SPARC: variants seen among roughly 807,000 people sequenced by gnomAD.
SPARC encodes secreted protein acidic and cysteine rich.
A neutral mutation model predicts 37.7 loss-of-function variants in SPARC; 23 were observed. The observed-to-expected ratio is 0.61, with a 90% confidence interval of 0.44 to 0.87. SPARC has a LOEUF of 0.87. Among genes scored for constraint, SPARC ranks in the 40% least tolerant of loss-of-function variants. The pLI is 0.00. For synonymous variants in SPARC, 155 were observed against 150.8 expected (o/e 1.03, Z -0.20); for missense variants, 312 against 389.0 (o/e 0.80, Z 1.66).
At chr5:151,673,267 C>T in intron 3 of SPARC, 51 bp from the exon 4 acceptor site, 1 of 1,269,970 alleles carries the variant, frequency 7.9e-7, no homozygotes, top group Non-Finnish European at 1.2e-6. Context: ...CCATCCCAGA[C>T]CCATAAGGGT....
Position 151,662,675 on chromosome 5 carries a change from A to G in SPARC, c.*896T>C, listed in dbSNP as rs1760536103. 1 of 152,572 alleles carries G rather than the reference A, an allele frequency of 6.6e-6. No individual in the cohort carries two copies. The highest frequency in any genetic ancestry group is 1.9e-4 in the East Asian group (1 of 5,192). 9.5% of individuals were successfully genotyped at this position (152,572 alleles called of 1,614,324 possible). A position where few individuals can be genotyped will look rare whatever the true frequency, so the allele number is the denominator to read the frequency against. ...CTAAAAACCTTATGACAATCATCCA[A>G]ATGTGAGGAAAGAACAACCGATTCA... On this transcript the variant is annotated 3_prime_UTR_variant, in exon 10 of 10. Transcript: ENST00000231061.
chr5:151,670,734 T>G (rs1375691134), intron 5 of SPARC, among the ~76,000 whole-genome samples: 1 of 152,080 alleles, frequency 6.6e-6, no homozygotes, highest in Non-Finnish European at 1.5e-5. Flanking sequence ...GAACATCCTG[T>G]CCGTACTTAT....
At chr5:151,676,904 A>T (rs1194146767) in intron 1 of SPARC, 1 of 152,220 alleles carries the variant, frequency 6.6e-6, no homozygotes, top group Non-Finnish European at 1.5e-5. Context: ...AATGTAACCC[A>T]TGGAAACTTG....
chr5:151,666,562 C>A, intron 7 of SPARC, 53 bp from the exon 8 acceptor site: 1 of 1,560,256 alleles, frequency 6.4e-7, no homozygotes, highest in Non-Finnish European at 8.7e-7. Flanking sequence ...TTGTCTGGAC[C>A]AGTCGGGCCC....
rs1022172460 is a variant in SPARC, at chr5:151,674,791, T to A, written c.58-117A>T. Reference sequence around the variant, plus strand: ...AGCTTGGAGAGCAGCTTACTGGAGATCCCCAAAGTTGTGCCTCATGGACTG... The same window carrying A: ...AGCTTGGAGAGCAGCTTACTGGAGAACCCCAAAGTTGTGCCTCATGGACTG... On this transcript the variant is annotated intron_variant, in intron 2 of 9. Transcript: ENST00000231061. 9 of 942,822 alleles carry A rather than the reference T, an allele frequency of 9.5e-6. No individual in the cohort carries two copies. The East Asian group carries it at 2.2e-4, about 23-fold the overall frequency. The allele number at this position is 942,822 out of a possible 1,614,324, so 58.4% of individuals were successfully genotyped here. A position where few individuals can be genotyped will look rare whatever the true frequency, so the allele number is the denominator to read the frequency against.
chr5:151,675,294 A>G (rs534343190), intron 2 of SPARC, among the ~76,000 whole-genome samples: 2 of 152,294 alleles, frequency 1.3e-5, no homozygotes, highest in Admixed American at 1.3e-4. Flanking sequence ...GGATGAGGGG[A>G]TCACAGGTTG....
intron 1 of SPARC, among the ~76,000 whole-genome samples, chr5:151,684,604 GAAAA>G (rs746262776): frequency 1.8e-5 from 2 of 112,816 alleles, no homozygotes; most frequent in African/African-American, 3.4e-5. Context: ...GAGCTGCCAG[GAAAA>G]AAAAAAAAAA....
chr5:151,668,158 T>TTC lies in SPARC; in HGVS notation c.452-559_452-558insGA, dbSNP rs200673522. ...TCTTTTCTTTTTTCTTTTTTTCTTCTTTTTTTTTTTTTTAGACAGGGTCTC... is the reference window on the plus strand; with the variant it reads ...TCTTTTCTTTTTTCTTTTTTTCTTCTTCTTTTTTTTTTTTTAGACAGGGTCTC... On this transcript the variant is annotated intron_variant, in intron 6 of 9. Coordinates refer to ENST00000231061, the MANE Select transcript of SPARC (RefSeq NM_003118.4). Among the ~76,000 whole-genome samples, 646 of 82,428 alleles carry TTC rather than the reference T, an allele frequency of 7.8e-3. 5 individuals carry two copies. Among genetic ancestry groups the TTC allele is most frequent in the African/African-American group, 0.021 (570 of 26,850 alleles). The allele number at this position is 82,428 out of a possible 152,430, so 54.1% of individuals were successfully genotyped here.
In SPARC at chr5:151,662,266, C is replaced by A. The variant is rs926915283; in HGVS notation, c.*1305G>T. On this transcript the variant is annotated 3_prime_UTR_variant, in exon 10 of 10. Transcript: ENST00000231061. ...TAGTGCTTACAGGAACCATACACTCCCTGTGTATAAACATGCCGGTGTGTG... is the reference window on the plus strand; with the variant it reads ...TAGTGCTTACAGGAACCATACACTCACTGTGTATAAACATGCCGGTGTGTG... 6.6e-6 allele frequency: 1 copy of A among 152,528 alleles called. No homozygotes were observed. The highest frequency in any genetic ancestry group is 1.5e-5 in the Non-Finnish European group (1 of 68,040). The allele number at this position is 152,528 out of a possible 1,614,324, so 9.4% of individuals were successfully genotyped here.
intron 6 of SPARC, among the ~76,000 whole-genome samples, chr5:151,667,903 G>C (rs1004743653): frequency 6.6e-6 from 1 of 152,228 alleles, no homozygotes; most frequent in African/African-American, 2.4e-5. Context: ...TCCTAGCTGA[G>C]ACTGAGCCCA....
At chr5:151,671,473 A>G (rs1581523948) in intron 5 of SPARC, 100 bp downstream of exon 5, 2 of 1,388,036 alleles carry the variant, frequency 1.4e-6, no homozygotes, top group East Asian at 2.6e-5. Flanking sequence ...TGAGACTGGC[A>G]CTGCCCCATA....
chr5:151,676,072 A>T, intron 2 of SPARC, 60 bp downstream of exon 2: 2 of 1,424,840 alleles, frequency 1.4e-6, no homozygotes, highest in Middle Eastern at 1.8e-4. Context: ...TGGCAGGCTC[A>T]GAACCCCTGG....
chr5:151,663,927 C>G (rs776043812), intron 9 of SPARC, among the ~76,000 whole-genome samples, 160 bp downstream of exon 9: 6 of 152,142 alleles, frequency 3.9e-5, no homozygotes, highest in Admixed American at 3.9e-4. Context: ...ATCAGGAAGA[C>G]GCCCAAGAGA....
At chr5:151,677,791 G>A (rs899682514) in intron 1 of SPARC, among the ~76,000 whole-genome samples, 2 of 152,150 alleles carry the variant, frequency 1.3e-5, no homozygotes, top group Non-Finnish European at 2.9e-5. Flanking sequence ...GGCTTAAAGA[G>A]ACACAAAACC....
Position 151,663,555 on chromosome 5 carries a change from T to C in SPARC, c.*16A>G, listed in dbSNP as rs376881960. On this transcript the variant is annotated 3_prime_UTR_variant, in exon 10 of 10. Coordinates refer to ENST00000231061, the MANE Select transcript of SPARC (RefSeq NM_003118.4). ...GAGGGTTAAAGAGAGAATCCGGTAC[T>C]GTGGAAGGAGTGGATTTAGATCACA... is the stretch of plus-strand genomic sequence containing the variant. The C allele has an allele frequency of 1.9e-6, 3 of 1,612,282 alleles. No homozygotes were observed. Among genetic ancestry groups the C allele is most frequent in the Non-Finnish European group, 2.5e-6 (3 of 1,178,366 alleles).
In SPARC at chr5:151,667,533, G is replaced by A. The variant is rs774167869; in HGVS notation, c.519C>T (p.Asn173=). 17 of 1,614,078 alleles carry A rather than the reference G, an allele frequency of 1.1e-5. No individual in the cohort carries two copies. The highest frequency in any genetic ancestry group is 9.3e-6 in the Non-Finnish European group (11 of 1,180,028). ...FPLRMRDWLK[N]VLVTLYERDE... ...CCCTCTCATACAGGGTGACCAGGAC[G>A]TTCTTGAGCCAGTCCCGCATGCGCA... Residue 173 remains asparagine (N), a synonymous_variant, in exon 7 of 10, where the codon AAC becomes AAT. Transcript: ENST00000231061.
Position 151,676,195 on chromosome 5 carries a change from G to A in SPARC, c.-7C>T. On this transcript the variant is annotated 5_prime_UTR_variant, in exon 2 of 10. Transcript: ENST00000231061. Reference sequence around the variant, plus strand: ...AGAAGATCCAGGCCCTCATGGTGCTGGGAACCCTATGGGGAGGAGAGATTG... The same window carrying A: ...AGAAGATCCAGGCCCTCATGGTGCTAGGAACCCTATGGGGAGGAGAGATTG... 1 of 1,609,786 alleles carries A rather than the reference G, an allele frequency of 6.2e-7. No homozygotes were observed. The highest frequency in any genetic ancestry group is 8.5e-7 in the Non-Finnish European group (1 of 1,178,310).
At chr5:151,677,459 T>C (rs1473822852) in intron 1 of SPARC, among the ~76,000 whole-genome samples, 1 of 152,150 alleles carries the variant, frequency 6.6e-6, no homozygotes, top group African/African-American at 2.4e-5. Flanking sequence ...ACTGACCAAA[T>C]GGTGGTGGGA....
chr5:151,666,405 A>G lies in SPARC; in HGVS notation c.690T>C (p.Pro230=), dbSNP rs1581519953. ...FEKNYNMYIF[P]VHWQFGQLDQ... is the part of the protein sequence containing the mutation. ...CCAGCTGGCCGAACTGCCAGTGTAC[A>G]GGGAAGATGTACATGTTATAGTTCT... Residue 230 remains proline, a synonymous_variant, in exon 8 of 10, where the codon CCT becomes CCC. Coordinates refer to ENST00000231061, the MANE Select transcript of SPARC (RefSeq NM_003118.4). The G allele has an allele frequency of 5.6e-6, 9 of 1,614,220 alleles. No individual in the cohort carries two copies. Among genetic ancestry groups the G allele is most frequent in the Non-Finnish European group, 7.6e-6 (9 of 1,180,030 alleles).
Sources: gnomAD v4.1 joint callset for allele counts (sites outside exome capture counted in the v4.1 genomes callset) on GRCh38, gnomAD v4.1.1 for gene constraint, MANE v1.5 for transcripts, NCBI Gene and HGNC (gene_info 2026-07-23, HGNC 2026-07-21) for gene names.